The following DTNA variants were observed in gnomAD, a reference collection of about 807,000 sequenced individuals.
The protein encoded by DTNA is dystrophin-related protein 3.
DTNA carries 43 observed loss-of-function variants against 100.7 expected under a neutral mutation model. The observed-to-expected ratio is 0.43, with a 90% CI of 0.33 to 0.55. The LOEUF is 0.55. DTNA is among the 20% of genes least tolerant of loss of function. The pLI, the probability that DTNA is intolerant of heterozygous loss-of-function variation, is 0.04. For missense variants in DTNA, 798 were observed against 953.9 expected, an observed-to-expected ratio of 0.84 and a Z score of 2.15; for synonymous variants, 349 against 347.9, an observed-to-expected ratio of 1.00 and a Z score of -0.04.
chr18:34,710,035 A>T (rs902566012), upstream of DTNA, among the ~76,000 whole-genome samples: 1 of 152,132 alleles, frequency 6.6e-6, no homozygotes. Flanking sequence ...ATGCATAGAG[A>T]TATTTCATTA....
At chr18:34,670,869 A>G (rs2076653076) in intron 1 of DTNA, among the ~76,000 whole-genome samples, 1 of 152,210 alleles carries the variant, frequency 6.6e-6, no homozygotes, top group South Asian at 2.1e-4. Context: ...CTCGGGGGTC[A>G]GGGACCCACT....
intron 1 of DTNA, among the ~76,000 whole-genome samples, chr18:34,563,268 A>G (rs1240562707): frequency 1.3e-5 from 2 of 152,216 alleles, no homozygotes; most frequent in Non-Finnish European, 2.9e-5. Context: ...GAAGGCAGAC[A>G]TTGGAGTTAG....
chr18:34,515,787 A>T (rs935096663), intron 1 of DTNA, among the ~76,000 whole-genome samples: 4 of 152,082 alleles, frequency 2.6e-5, no homozygotes, highest in Non-Finnish European at 2.9e-5. Flanking sequence ...TTTTCTTCTA[A>T]CCAGGTCCCA....
At chr18:34,500,999 TA>T (rs1241683016) in intron 1 of DTNA, among the ~76,000 whole-genome samples, 1 of 152,236 alleles carries the variant, frequency 6.6e-6, no homozygotes, top group Non-Finnish European at 1.5e-5. Flanking sequence ...CTATATAGAA[TA>T]AAAGTAGAGA....
At chr18:34,769,939 T>G (rs1172023908) in intron 3 of DTNA, among the ~76,000 whole-genome samples, 1 of 151,856 alleles carries the variant, frequency 6.6e-6, no homozygotes, top group Non-Finnish European at 1.5e-5. Context: ...CAGGCTGGTC[T>G]CAAACTCCTG....
At chr18:34,866,621 A>G in intron 17 of DTNA, 1 of 1,010,116 alleles carries the variant, frequency 9.9e-7, no homozygotes, top group South Asian at 4.1e-5. Flanking sequence ...CTTTTTATAA[A>G]AATCAGGCAA....
intron 1 of DTNA, among the ~76,000 whole-genome samples, chr18:34,659,882 C>T (rs1204413346): frequency 6.6e-6 from 1 of 152,214 alleles, no homozygotes; most frequent in Non-Finnish European, 1.5e-5. Context: ...TAATGGCTGC[C>T]TACGGCTGCT....
intron 1 of DTNA, among the ~76,000 whole-genome samples, chr18:34,576,047 A>G (rs914697278): frequency 6.6e-6 from 1 of 152,162 alleles, no homozygotes; most frequent in Admixed American, 6.5e-5. Context: ...CTTTCTCCCT[A>G]CATTTATAAA....
At chr18:34,836,855 A>C (rs1485396577) in intron 11 of DTNA, among the ~76,000 whole-genome samples, 1 of 152,132 alleles carries the variant, frequency 6.6e-6, no homozygotes, top group Non-Finnish European at 1.5e-5. Flanking sequence ...TATTCAAGGA[A>C]TCTTTTAATA....
chr18:34,516,508 A>T (rs1050972006), intron 1 of DTNA, among the ~76,000 whole-genome samples: 1 of 152,074 alleles, frequency 6.6e-6, no homozygotes, highest in Admixed American at 6.6e-5. Flanking sequence ...AATCCTAGTA[A>T]GCCTGGGGAC....
chr18:34,865,812 A>G (rs1007848849), intron 17 of DTNA, among the ~76,000 whole-genome samples: 3 of 152,240 alleles, frequency 2.0e-5, no homozygotes, highest in African/African-American at 7.2e-5. Context: ...TCTATTCACC[A>G]CCAGCCATGT....
intron 9 of DTNA, chr18:34,825,124 G>T: frequency 9.0e-7 from 1 of 1,114,394 alleles, no homozygotes; most frequent in East Asian, 2.4e-5. Context: ...GAGAGGTGCT[G>T]CCAGTCATGA....
intron 1 of DTNA, among the ~76,000 whole-genome samples, chr18:34,583,295 G>C (rs1040383874): frequency 3.9e-5 from 6 of 152,008 alleles, no homozygotes; most frequent in Non-Finnish European, 2.9e-5. Flanking sequence ...GGGTGTACTT[G>C]TGGAGAAAAA....
At chr18:34,856,277 A>G (rs2096551758) in intron 15 of DTNA, among the ~76,000 whole-genome samples, 2 of 152,266 alleles carry the variant, frequency 1.3e-5, no homozygotes, top group South Asian at 4.1e-4. Context: ...TTTAGGTAAT[A>G]CTACTGCACC....
chr18:34,616,926 G>A (rs918119540), intron 1 of DTNA, among the ~76,000 whole-genome samples: 5 of 152,122 alleles, frequency 3.3e-5, no homozygotes, highest in African/African-American at 1.2e-4. Flanking sequence ...CACTCAGCTT[G>A]AATGCTATTG....
chr18:34,854,782 G>A (rs1375046701), intron 15 of DTNA, among the ~76,000 whole-genome samples: 2 of 152,170 alleles, frequency 1.3e-5, no homozygotes, highest in South Asian at 2.1e-4. Flanking sequence ...TATGCTCACA[G>A]GTTCCAGGTG....
chr18:34,623,828 TG>T (rs2056914484), intron 1 of DTNA, among the ~76,000 whole-genome samples: 2 of 152,216 alleles, frequency 1.3e-5, no homozygotes, highest in Non-Finnish European at 2.9e-5. Flanking sequence ...GCATCAGTGT[TG>T]TTCTCTGAAA....
chr18:34,630,633 C>T (rs1038576856), intron 1 of DTNA, among the ~76,000 whole-genome samples: 1 of 151,988 alleles, frequency 6.6e-6, no homozygotes. Context: ...TTTCCTGAGA[C>T]ATGAGTGAGA....
At chr18:34,557,188 G>A (rs1210651753) in intron 1 of DTNA, among the ~76,000 whole-genome samples, 10 of 147,812 alleles carry the variant, frequency 6.8e-5, no homozygotes, top group East Asian at 3.9e-4. Flanking sequence ...CATTCTTCAC[G>A]TAGTTCTCGA....
Sources: gnomAD v4.1 joint callset for allele counts (sites outside exome capture counted in the v4.1 genomes callset) on GRCh38, gnomAD v4.1.1 for gene constraint, MANE v1.5 for transcripts, NCBI Gene and HGNC (gene_info 2026-07-23, HGNC 2026-07-21) for gene names.